Variants in PRR18 observed in about 807,000 individuals in gnomAD.
PRR18 encodes the protein proline rich 18.
For missense variants in PRR18, 517 were observed against 437.4 expected, an observed-to-expected ratio of 1.18 and a Z score of -1.62; for synonymous variants, 228 against 220.2, an observed-to-expected ratio of 1.04 and a Z score of -0.32.
rs1778136512 is a variant in PRR18 at position 166,307,995 on chromosome 6, A to G, written c.148T>C (p.Ser50Pro). The change falls in exon 1 of 1, where the codon TCC becomes CCC. Residue 50 changes from serine (S) to proline (P), a missense_variant. By Grantham distance (74) the Ser-to-Pro change is moderately conservative (BLOSUM62 -1). Coordinates refer to ENST00000322583, the MANE Select transcript of PRR18 (RefSeq NM_175922.4). ...GCCGGCGGCCTCTTGAGCGTGGCGGAGGGCCAGGAGCTGGAGAGGAGCCCC... is the reference window on the plus strand; with the variant it reads ...GCCGGCGGCCTCTTGAGCGTGGCGGGGGGCCAGGAGCTGGAGAGGAGCCCC... ...PEGLLSSSWP[S>P]ATLKRPPARR... is the part of the protein sequence containing the mutation. 29 of 1,237,596 alleles carry G rather than the reference A, an allele frequency of 2.3e-5. No individual in the cohort carries two copies. Among genetic ancestry groups the G allele is most frequent in the African/African-American group, 3.1e-5 (2 of 63,622 alleles). The allele number at this position is 1,237,596 out of a possible 1,614,324, so 76.7% of individuals were successfully genotyped here. A position where few individuals can be genotyped will look rare whatever the true frequency, so the allele number is the denominator to read the frequency against.
chr6:166,305,628 G>T lies in PRR18; in HGVS notation c.*1627C>A, dbSNP rs1778084334. The T allele has an allele frequency of 6.6e-6, 1 of 152,380 alleles. No individual in the cohort carries two copies. Among genetic ancestry groups the T allele is most frequent in the East Asian group, 1.9e-4 (1 of 5,190 alleles). The allele number at this position is 152,380 out of a possible 1,614,324, so 9.4% of individuals were successfully genotyped here. The stretch of plus-strand genomic sequence containing the variant: ...GCGGGAGAAGAAAGGAAATCAAAAT[G>T]AAGCAGCTGACAGGGACGTCAGGGA... On this transcript the variant is annotated 3_prime_UTR_variant, in exon 1 of 1. Transcript: ENST00000322583.
Position 166,307,419 on chromosome 6 carries a change from C to T in PRR18, c.724G>A (p.Glu242Lys), listed in dbSNP as rs1191053377. Reference sequence around the variant, plus strand: ...TCCACGTCGTCGTACCTGTGCCGCTCGTTGAGCAGCGACACCTTGAGCATC... The same window carrying T: ...TCCACGTCGTCGTACCTGTGCCGCTTGTTGAGCAGCGACACCTTGAGCATC... ...RPMLKVSLLNERHRYDDVEYE... is the reference protein window; with the variant it reads ...RPMLKVSLLNKRHRYDDVEYE... The change falls in exon 1 of 1, where the codon GAG becomes AAG. Residue 242 changes from glutamate (E) to lysine (K), a missense_variant. Glu to Lys is a moderately conservative substitution (Grantham distance 56, BLOSUM62 1). Transcript: ENST00000322583. 2 of 1,558,434 alleles carry T rather than the reference C, an allele frequency of 1.3e-6. No individual in the cohort carries two copies. Among genetic ancestry groups the T allele is most frequent in the Non-Finnish European group, 8.6e-7 (1 of 1,161,068 alleles).
Position 166,305,689 on chromosome 6 carries a change from A to C in PRR18, c.*1566T>G, listed in dbSNP as rs1365523431. 2.7e-5 allele frequency: 4 copies of C among 149,664 alleles called. No homozygotes were observed. The highest frequency in any genetic ancestry group is 5.9e-5 in the Non-Finnish European group (4 of 68,020). The allele number at this position is 149,664 out of a possible 1,614,324, so 9.3% of individuals were successfully genotyped here. A position where few individuals can be genotyped will look rare whatever the true frequency, so the allele number is the denominator to read the frequency against. The stretch of plus-strand genomic sequence containing the variant: ...TGCAGTGACAGCCACACTGCAGCAG[A>C]AGCTCAGCTTGGAAGACAGAGGCTG... On this transcript the variant is annotated 3_prime_UTR_variant, in exon 1 of 1. Transcript: ENST00000322583.
At position 166,305,942 on chromosome 6, in the gene PRR18, A is replaced by C. The variant is rs1423342112; in HGVS notation, c.*1313T>G. ...GCCCAGGACGGCGCACTCAGAGACC[A>C]TCTGGGTGGGGGTGGAACAAGAGCA... On this transcript the variant is annotated 3_prime_UTR_variant, in exon 1 of 1. Transcript: ENST00000322583. The C allele has an allele frequency of 6.6e-6, 1 of 152,192 alleles. No homozygotes were observed. Among genetic ancestry groups the C allele is most frequent in the Non-Finnish European group, 1.5e-5 (1 of 68,024 alleles). The allele number at this position is 152,192 out of a possible 1,614,324, so 9.4% of individuals were successfully genotyped here. A position where few individuals can be genotyped will look rare whatever the true frequency, so the allele number is the denominator to read the frequency against.
rs775671112 is a variant in PRR18, at chr6:166,307,512, C to T, written c.631G>A (p.Gly211Ser). ...AGQGRRAPPP[G>S]AQLLHGGLQV... ...AGGCCGCCGTGCAGCAGCTGGGCGC[C>T]GGGCGGAGGCGCGCGGCGGCCCTGG... The change falls in exon 1 of 1, where the codon GGC becomes AGC. Residue 211 changes from glycine to serine, a missense_variant. By Grantham distance (56) the Gly-to-Ser change is moderately conservative. Transcript: ENST00000322583. The T allele has an allele frequency of 6.7e-5, 83 of 1,242,602 alleles. 1 individual carries two copies. In the Admixed American group the frequency reaches 3.2e-3, roughly 48 times the overall value. The allele number at this position is 1,242,602 out of a possible 1,614,324, so 77.0% of individuals were successfully genotyped here. A position where few individuals can be genotyped will look rare whatever the true frequency, so the allele number is the denominator to read the frequency against.
chr6:166,307,858 CGGCCGGGGCGGGGCG>C lies in PRR18; in HGVS notation c.270_284del (p.Cys90_Pro95delinsTrp). The C allele has an allele frequency of 1.6e-6, 2 of 1,258,588 alleles. No individual in the cohort carries two copies. The highest frequency in any genetic ancestry group is 1.6e-5 in the African/African-American group (1 of 64,234). 78.0% of individuals were successfully genotyped at this position (1,258,588 alleles called of 1,614,324 possible). ...TCGCTGGGCTGTGGCCGGAGCCTGC[CGGCCGGGGCGGGGCG>C]CACGTGGCTGGGGCCCGCGCGCGGC... On this transcript the variant is annotated inframe_deletion, in exon 1 of 1. Coordinates refer to ENST00000322583, the MANE Select transcript of PRR18 (RefSeq NM_175922.4).
In PRR18 at chr6:166,305,362, CT is replaced by C. The variant is rs1260417019; in HGVS notation, c.*1892del. 3.3e-5 allele frequency: 5 copies of C among 152,172 alleles called. No homozygotes were observed. The highest frequency in any genetic ancestry group is 7.3e-5 in the Non-Finnish European group (5 of 68,034). The allele number at this position is 152,172 out of a possible 1,614,324, so 9.4% of individuals were successfully genotyped here. On this transcript the variant is annotated 3_prime_UTR_variant, in exon 1 of 1. Transcript: ENST00000322583. ...GGAGCATAGCGACTTAGAAAACTTTCTCAAAATGTCCTTAACAGCAATGAAA... is the reference window on the plus strand; with the variant it reads ...GGAGCATAGCGACTTAGAAAACTTTCCAAAATGTCCTTAACAGCAATGAAA...
In PRR18 at chr6:166,307,795, G is replaced by T. The variant is rs533053957; in HGVS notation, c.348C>A (p.Thr116=). The change falls in exon 1 of 1, where the codon ACC becomes ACA. Residue 116 remains threonine, a synonymous_variant. Coordinates refer to ENST00000322583, the MANE Select transcript of PRR18 (RefSeq NM_175922.4). ...CCCCCGAGGAGGTGCCCGCGGCGGT[G>T]GTCCCCGTCCCCGCCGAGGTCGCCG... The part of the protein sequence containing the change: ...TYAATSAGTG[T]TAAGTSSGAG... The T allele has an allele frequency of 2.0e-4, 291 of 1,450,322 alleles. No homozygotes were observed. In the African/African-American group the frequency reaches 3.9e-3, roughly 19 times the overall value. The allele number at this position is 1,450,322 out of a possible 1,614,324, so 89.8% of individuals were successfully genotyped here.
rs1382301959 is a variant in PRR18 at position 166,307,845 on chromosome 6, G to A, written c.298C>T (p.His100Tyr). The change falls in exon 1 of 1, where the codon CAC (histidine) becomes TAC (tyrosine). Residue 100 changes from histidine to tyrosine, a missense_variant. Transcript: ENST00000322583. ...GCATAGGTGGTCCTCGCTGGGCTGT[G>A]GCCGGAGCCTGCCGGCCGGGGCGGG... ...CAPPRPAGSG[H>Y]SPARTTYAAT... 2 of 1,283,674 alleles carry A rather than the reference G, an allele frequency of 1.6e-6. No individual in the cohort carries two copies. Among genetic ancestry groups the A allele is most frequent in the Non-Finnish European group, 2.0e-6 (2 of 1,014,284 alleles). 79.5% of individuals were successfully genotyped at this position (1,283,674 alleles called of 1,614,324 possible).
rs1778121639 is a variant in PRR18, at chr6:166,307,583, C to T, written c.560G>A (p.Arg187Gln). 8.2e-7 allele frequency: 1 copy of T among 1,224,042 alleles called. No homozygotes were observed. Among genetic ancestry groups the T allele is most frequent in the Non-Finnish European group, 1.0e-6 (1 of 981,944 alleles). The allele number at this position is 1,224,042 out of a possible 1,614,324, so 75.8% of individuals were successfully genotyped here. ...GGGGTCGCTGGCGGGGCCGCCCCTC[C>T]GCGGGCCCGCGGCCCTAGCCGGGAG... Reference protein sequence around the residue: ...PCLPARAAGPRRGGPASDPDA... With the variant: ...PCLPARAAGPQRGGPASDPDA... The change falls in exon 1 of 1, where the codon CGG (arginine) becomes CAG (glutamine). Residue 187 changes from arginine to glutamine, a missense_variant. By Grantham distance (43) the Arg-to-Gln change is conservative (BLOSUM62 1). Transcript: ENST00000322583.
rs1778098633 is a variant in PRR18, at chr6:166,306,592, AG to A, written c.*662del. 6.6e-6 allele frequency: 1 copy of A among 152,262 alleles called. No individual in the cohort carries two copies. The highest frequency in any genetic ancestry group is 1.9e-4 in the East Asian group (1 of 5,200). The allele number at this position is 152,262 out of a possible 1,614,324, so 9.4% of individuals were successfully genotyped here. On this transcript the variant is annotated 3_prime_UTR_variant, in exon 1 of 1. Transcript: ENST00000322583. ...GTTTCCATGGAAGCGCTCATTGACC[AG>A]GGCTCACCAGCGCCTGGCGATGCCT... is the stretch of plus-strand genomic sequence containing the variant.
In PRR18 at chr6:166,307,077, T is replaced by C. The variant is rs1778106372; in HGVS notation, c.*178A>G. On this transcript the variant is annotated 3_prime_UTR_variant, in exon 1 of 1. Transcript: ENST00000322583. ...GCTGGCGAGGGCAGGAGGGGGGCCG[T>C]GGCCGTCGGGCGAGTCTGGCTGCGC... 1.7e-6 allele frequency: 1 copy of C among 592,042 alleles called. No homozygotes were observed. The highest frequency in any genetic ancestry group is 2.6e-6 in the Non-Finnish European group (1 of 380,446). The allele number at this position is 592,042 out of a possible 1,614,324, so 36.7% of individuals were successfully genotyped here.
chr6:166,308,271 C>T lies in PRR18; in HGVS notation c.-129G>A, dbSNP rs1583027000. 3 of 935,434 alleles carry T rather than the reference C, an allele frequency of 3.2e-6. No homozygotes were observed. The highest frequency in any genetic ancestry group is 3.8e-4 in the Middle Eastern group (1 of 2,636). 57.9% of individuals were successfully genotyped at this position (935,434 alleles called of 1,614,324 possible). ...CACCTGCGTCCAGCCGCGGCCTCTC[C>T]GGCTTCCTCACATCCCAGCGACCAA... On this transcript the variant is annotated 5_prime_UTR_variant, in exon 1 of 1. Transcript: ENST00000322583.
At position 166,306,678 on chromosome 6, in the gene PRR18, C is replaced by T. The variant is rs56919691; in HGVS notation, c.*577G>A. ...CTGAGTTTCAGGGATGTCTAATACCCTCAACATTTTTCTGACTTGGGAGAA... is the reference window on the plus strand; with the variant it reads ...CTGAGTTTCAGGGATGTCTAATACCTTCAACATTTTTCTGACTTGGGAGAA... On this transcript the variant is annotated 3_prime_UTR_variant, in exon 1 of 1. Coordinates refer to ENST00000322583, the MANE Select transcript of PRR18 (RefSeq NM_175922.4). 0.032 allele frequency: 4,820 copies of T among 152,418 alleles called. 255 individuals are homozygous for T. Among genetic ancestry groups the T allele is most frequent in the African/African-American group, 0.11 (4,561 of 41,566 alleles). The allele number at this position is 152,418 out of a possible 1,614,324, so 9.4% of individuals were successfully genotyped here.
chr6:166,307,571 G>T lies in PRR18; in HGVS notation c.572C>A (p.Pro191His). Residue 191 changes from proline to histidine, a missense_variant, in exon 1 of 1, where the codon CCC (proline) becomes CAC (histidine). Transcript: ENST00000322583. ...GGGGGGTGCGTCGGGGTCGCTGGCG[G>T]GGCCGCCCCTCCGCGGGCCCGCGGC... ...ARAAGPRRGG[P>H]ASDPDAPPTA... 2.5e-6 allele frequency: 3 copies of T among 1,216,006 alleles called. No individual in the cohort carries two copies. The highest frequency in any genetic ancestry group is 3.1e-6 in the Non-Finnish European group (3 of 977,538). The allele number at this position is 1,216,006 out of a possible 1,614,324, so 75.3% of individuals were successfully genotyped here.
rs1778085697 is a variant in PRR18 at position 166,305,721 on chromosome 6, G to T, written c.*1534C>A. On this transcript the variant is annotated 3_prime_UTR_variant, in exon 1 of 1. Transcript: ENST00000322583. ...GCTTGGAAGACAGAGGCTGCAGAAA[G>T]TCGGTCCCTCTAGGATGCCACCAGG... 1 of 152,242 alleles carries T rather than the reference G, an allele frequency of 6.6e-6. No individual in the cohort carries two copies. Among genetic ancestry groups the T allele is most frequent in the Non-Finnish European group, 1.5e-5 (1 of 68,052 alleles). 9.4% of individuals were successfully genotyped at this position (152,242 alleles called of 1,614,324 possible). A position where few individuals can be genotyped will look rare whatever the true frequency, so the allele number is the denominator to read the frequency against.
chr6:166,307,550 G>A lies in PRR18; in HGVS notation c.593C>T (p.Pro198Leu). The A allele has an allele frequency of 8.3e-7, 1 of 1,211,260 alleles. No individual in the cohort carries two copies. Among genetic ancestry groups the A allele is most frequent in the Non-Finnish European group, 1.0e-6 (1 of 975,168 alleles). The allele number at this position is 1,211,260 out of a possible 1,614,324, so 75.0% of individuals were successfully genotyped here. Residue 198 changes from proline to leucine, a missense_variant, in exon 1 of 1, where the codon CCC becomes CTC. Physicochemically the swap from Pro to Leu is moderately conservative, Grantham distance 98. Transcript: ENST00000322583. ...RGGPASDPDA[P>L]PTAGQGRRAP... ...GCGGCGGCCCTGGCCGGCGGTGGGG[G>A]GTGCGTCGGGGTCGCTGGCGGGGCC...
rs1778134784 is a variant in PRR18, at chr6:166,307,920, C to T, written c.223G>A (p.Val75Ile). 3 of 1,224,794 alleles carry T rather than the reference C, an allele frequency of 2.4e-6. No homozygotes were observed. The highest frequency in any genetic ancestry group is 8.2e-5 in the South Asian group (2 of 24,476). 75.9% of individuals were successfully genotyped at this position (1,224,794 alleles called of 1,614,324 possible). A position where few individuals can be genotyped will look rare whatever the true frequency, so the allele number is the denominator to read the frequency against. ...CGGCTGGGCAAGGCCTGGGGGGAGA[C>T]GCCCGGAGGGGCCGGCGGCTGCGTC... The part of the protein sequence containing the change: ...DRTQPPAPPG[V>I]SPQALPSRAR... The change falls in exon 1 of 1, where the codon GTC becomes ATC. Residue 75 changes from valine to isoleucine, a missense_variant. Transcript: ENST00000322583.
Position 166,308,286 on chromosome 6 carries a change from C to T in PRR18, c.-144G>A. 1 of 795,258 alleles carries T rather than the reference C, an allele frequency of 1.3e-6. No individual in the cohort carries two copies. The highest frequency in any genetic ancestry group is 1.7e-6 in the Non-Finnish European group (1 of 589,984). 49.3% of individuals were successfully genotyped at this position (795,258 alleles called of 1,614,324 possible). A position where few individuals can be genotyped will look rare whatever the true frequency, so the allele number is the denominator to read the frequency against. ...GCGGCCTCTCCGGCTTCCTCACATC[C>T]CAGCGACCAAACCCGGGGACTCAAA... On this transcript the variant is annotated 5_prime_UTR_variant, in exon 1 of 1. Transcript: ENST00000322583.
Sources: gnomAD v4.1 joint callset for allele counts on GRCh38, gnomAD v4.1.1 for gene constraint, MANE v1.5 for transcripts, NCBI Gene and HGNC (gene_info 2026-07-23, HGNC 2026-07-21) for gene names.